The following GPC5 variants were observed in gnomAD, a reference collection of about 807,000 sequenced individuals.
GPC5 encodes glypican-5.
GPC5 carries 47 observed loss-of-function variants against 53.9 expected under a neutral mutation model. That is an observed-to-expected ratio of 0.87 (90% CI 0.69 to 1.11). The LOEUF is 1.11. Ranked by LOEUF, GPC5 falls within the 50% of genes most tolerant of loss-of-function variation. The pLI, the probability that GPC5 is intolerant of heterozygous loss-of-function variation, is 0.00. For missense variants in GPC5, 748 were observed against 713.1 expected, an observed-to-expected ratio of 1.05 and a Z score of -0.56; for synonymous variants, 286 against 263.3, an observed-to-expected ratio of 1.09 and a Z score of -0.84.
intron 2 of GPC5, among the ~76,000 whole-genome samples, chr13:91,637,342 G>A (rs1474549516): frequency 6.6e-6 from 1 of 152,188 alleles, no homozygotes; most frequent in Non-Finnish European, 1.5e-5. Flanking sequence ...AAAAGAGTGA[G>A]GGATAAATTC....
intron 6 of GPC5, among the ~76,000 whole-genome samples, chr13:92,001,641 C>G (rs1490304620): frequency 6.6e-6 from 1 of 152,020 alleles, no homozygotes; most frequent in Non-Finnish European, 1.5e-5. Flanking sequence ...GCATTTAATA[C>G]TGGATACTGA....
At position 92,779,517 on chromosome 13, in the gene GPC5, A is replaced by C. The variant is rs527496681; in HGVS notation, c.1562-86765A>C. Among the ~76,000 whole-genome samples the C allele has an allele frequency of 3.3e-5, 5 of 152,132 alleles. 1 individual carries two copies. The South Asian group carries it at 1.0e-3, about 32-fold the overall frequency. ...AGTAGCAACAACTATGCATTTTACT[A>C]TTCTACCTATTTAATTTTTAATACA... is the stretch of plus-strand genomic sequence containing the variant. On this transcript the variant is annotated intron_variant, in intron 7 of 7. Transcript: ENST00000377067.
intron 7 of GPC5, among the ~76,000 whole-genome samples, chr13:92,777,612 C>G (rs1875866800): frequency 6.6e-6 from 1 of 151,370 alleles, no homozygotes; most frequent in South Asian, 2.1e-4. Flanking sequence ...AGCGAGACTC[C>G]GTCTCAAAAC....
intron 6 of GPC5, among the ~76,000 whole-genome samples, chr13:92,103,125 G>T (rs527926569): frequency 2.6e-5 from 4 of 152,068 alleles, no homozygotes; most frequent in South Asian, 4.2e-4. Context: ...GCCTCCCAAA[G>T]TTCTGGAATT....
chr13:91,539,046 C>G (rs2138727575), intron 2 of GPC5, among the ~76,000 whole-genome samples: 1 of 152,228 alleles, frequency 6.6e-6, no homozygotes, highest in East Asian at 1.9e-4. Context: ...ATGCTAGTCT[C>G]TTGCATTTTT....
At chr13:92,359,762 T>G (rs1485558951) in intron 7 of GPC5, among the ~76,000 whole-genome samples, 3 of 151,402 alleles carry the variant, frequency 2.0e-5, no homozygotes, top group Non-Finnish European at 4.4e-5. Flanking sequence ...AACAATCAGA[T>G]ATTGTGAGAA....
intron 7 of GPC5, among the ~76,000 whole-genome samples, chr13:92,808,700 A>G (rs1296583014): frequency 6.6e-6 from 1 of 152,134 alleles, no homozygotes; most frequent in Non-Finnish European, 1.5e-5. Flanking sequence ...GCTCTAGAAC[A>G]TAAAATGTCT....
At chr13:91,527,321 C>T (rs1314297382) in intron 2 of GPC5, among the ~76,000 whole-genome samples, 1 of 152,184 alleles carries the variant, frequency 6.6e-6, no homozygotes, top group Admixed American at 6.5e-5. Context: ...AGCAAAGTGG[C>T]CATAGGCCTT....
intron 1 of GPC5, among the ~76,000 whole-genome samples, chr13:91,430,424 A>G (rs758701244): frequency 2.0e-5 from 3 of 152,212 alleles, no homozygotes; most frequent in Non-Finnish European, 4.4e-5. Context: ...TTAAGCCAAT[A>G]AAGTCAATAA....
chr13:92,381,042 T>G (rs1012504963), intron 7 of GPC5, among the ~76,000 whole-genome samples: 8 of 152,206 alleles, frequency 5.3e-5, no homozygotes, highest in Admixed American at 3.9e-4. Flanking sequence ...CACCCTTGTT[T>G]AAATAGTAAG....
intron 7 of GPC5, among the ~76,000 whole-genome samples, chr13:92,668,148 T>C (rs1477896545): frequency 2.6e-5 from 4 of 152,226 alleles, no homozygotes; most frequent in East Asian, 1.9e-4. Flanking sequence ...AAATGTTTGC[T>C]AATAATATAT....
At chr13:92,225,750 CA>C (rs201994551) in intron 7 of GPC5, among the ~76,000 whole-genome samples, 1,533 of 146,892 alleles carry the variant, frequency 0.01, 16 homozygotes, top group East Asian at 0.038. Context: ...TAAATTCTTC[CA>C]AAAAAAAAAT....
chr13:91,479,136 C>T (rs967420593), intron 2 of GPC5, among the ~76,000 whole-genome samples: 2 of 151,576 alleles, frequency 1.3e-5, no homozygotes, highest in Non-Finnish European at 2.9e-5. Context: ...TGGCCTCGAA[C>T]TCCTGAGCTC....
intron 7 of GPC5, among the ~76,000 whole-genome samples, chr13:92,559,330 A>AG (rs1490400234): frequency 1.4e-5 from 2 of 143,024 alleles, no homozygotes; most frequent in African/African-American, 5.1e-5. Context: ...TAGTGTGTAT[A>AG]TGTGTGTGTG....
At chr13:92,774,263 G>A (rs1314413720) in intron 7 of GPC5, among the ~76,000 whole-genome samples, 6 of 152,142 alleles carry the variant, frequency 3.9e-5, no homozygotes, top group African/African-American at 1.4e-4. Flanking sequence ...TAGCCCTGTA[G>A]GTCTATAACA....
rs546972585 is a variant in GPC5, at chr13:91,477,267, A to G, written c.325+28345A>G. 1.1e-4 allele frequency among the ~76,000 whole-genome samples: 16 copies of G among 152,300 alleles called. No individual in the cohort carries two copies. In the South Asian group the frequency reaches 3.3e-3, roughly 32 times the overall value. ...CTGGACTATAGCAGTGGCAGGATTG[A>G]TGGAGACAAGGAGGGATTTATCTGA... On this transcript the variant is annotated intron_variant, in intron 2 of 7. Transcript: ENST00000377067.
chr13:91,833,100 C>T (rs1158108999), intron 5 of GPC5, among the ~76,000 whole-genome samples: 12 of 151,474 alleles, frequency 7.9e-5, no homozygotes, highest in South Asian at 4.2e-4. Flanking sequence ...CTACCATCAG[C>T]GAATACTATA....
intron 7 of GPC5, among the ~76,000 whole-genome samples, chr13:92,763,737 C>A (rs1259615308): frequency 6.6e-6 from 1 of 152,098 alleles, no homozygotes; most frequent in Non-Finnish European, 1.5e-5. Flanking sequence ...CTGAGGCACG[C>A]TCTAGAGTAG....
At position 92,095,521 on chromosome 13, in the gene GPC5, T is replaced by C. The variant is rs183686201; in HGVS notation, c.1402-49309T>C. Among the ~76,000 whole-genome samples, 82 of 151,674 alleles carry C rather than the reference T, an allele frequency of 5.4e-4. No homozygotes were observed. The East Asian group carries it at 8.0e-3, about 15-fold the overall frequency. On this transcript the variant is annotated intron_variant, in intron 6 of 7. Transcript: ENST00000377067. ...CGCCACCACTCCTGGCTAATTTTTG[T>C]ATTTTGTTTCTGTTTTTGTTTTTGT... is the stretch of plus-strand genomic sequence containing the variant.
Sources: gnomAD v4.1 joint callset for allele counts (sites outside exome capture counted in the v4.1 genomes callset) on GRCh38, gnomAD v4.1.1 for gene constraint, MANE v1.5 for transcripts, NCBI Gene and HGNC (gene_info 2026-07-23, HGNC 2026-07-21) for gene names.